Variants in ADRA1B observed in about 807,000 individuals in gnomAD.
ADRA1B encodes adrenoceptor alpha 1B.
ADRA1B carries 17 observed loss-of-function variants against 17.9 expected under a neutral mutation model. That is an observed-to-expected ratio of 0.95 (90% CI 0.65 to 1.42). The LOEUF is 1.42. ADRA1B is among the 40% of genes most tolerant of loss of function. ADRA1B has a pLI of 0.00. For synonymous variants in ADRA1B, 366 were observed against 327.6 expected, an observed-to-expected ratio of 1.12 and a Z score of -1.27; for missense variants, 681 against 722.1, an observed-to-expected ratio of 0.94 and a Z score of 0.65.
chr5:159,906,474 A>T lies in ADRA1B; in HGVS notation c.-255-9645A>T, dbSNP rs141184328. Among the ~76,000 whole-genome samples, 8 of 152,340 alleles carry T rather than the reference A, an allele frequency of 5.3e-5. 1 individual carries two copies. In the East Asian group the frequency reaches 1.5e-3, roughly 29 times the overall value. On this transcript the variant is annotated intron_variant, in intron 1 of 2. Transcript: ENST00000641205. ...AAATGTAGTCTTCTGCAATCAAATC[A>T]TTGGGTTACTTACAAAAATATAAAT...
chr5:159,959,539 G>A (rs184968201), intron 1 of ADRA1B, among the ~76,000 whole-genome samples: 355 of 152,304 alleles, frequency 2.3e-3, no homozygotes, highest in African/African-American at 8.4e-3. Context: ...AATCTGTAGA[G>A]AGAAGAGCAG....
chr5:159,940,077 T>C (rs1755083522), intron 1 of ADRA1B, among the ~76,000 whole-genome samples: 1 of 152,202 alleles, frequency 6.6e-6, no homozygotes, highest in African/African-American at 2.4e-5. Flanking sequence ...ATCAGAGCTG[T>C]GAAGAGGAAC....
At chr5:159,885,209 T>A (rs529198981) in intron 1 of ADRA1B, among the ~76,000 whole-genome samples, 6 of 152,174 alleles carry the variant, frequency 3.9e-5, no homozygotes, top group Non-Finnish European at 7.3e-5. Context: ...ATAACAGTAA[T>A]AATAAAAATA....
intron 1 of ADRA1B, among the ~76,000 whole-genome samples, chr5:159,889,249 C>T (rs1369707304): frequency 1.3e-5 from 2 of 152,118 alleles, no homozygotes; most frequent in African/African-American, 4.8e-5. Flanking sequence ...GAAGTAGCCG[C>T]CACACTGTAT....
At chr5:159,881,159 C>T (rs957457255) in intron 1 of ADRA1B, among the ~76,000 whole-genome samples, 1 of 119,720 alleles carries the variant, frequency 8.4e-6, no homozygotes, top group Non-Finnish European at 1.6e-5. Context: ...CCGGCCTGGG[C>T]GACAGAGCGA....
intron 1 of ADRA1B, among the ~76,000 whole-genome samples, chr5:159,956,670 G>A (rs180886779): frequency 3.9e-5 from 6 of 152,044 alleles, no homozygotes; most frequent in Admixed American, 6.5e-5. Context: ...GAATACTTAC[G>A]TAGGCTAAAT....
chr5:159,875,926 C>T (rs570573144), intron 1 of ADRA1B, among the ~76,000 whole-genome samples: 17 of 152,290 alleles, frequency 1.1e-4, no homozygotes, highest in African/African-American at 2.6e-4. Flanking sequence ...TGGTGGCTCA[C>T]GCCCGTAATC....
chr5:159,876,392 G>A (rs1753802778), intron 1 of ADRA1B, among the ~76,000 whole-genome samples: 1 of 152,178 alleles, frequency 6.6e-6, no homozygotes, highest in Non-Finnish European at 1.5e-5. Flanking sequence ...GAGAGAGAAT[G>A]GGATTTCTCC....
intron 1 of ADRA1B, among the ~76,000 whole-genome samples, chr5:159,939,933 C>T (rs1015808319): frequency 2.6e-5 from 4 of 152,168 alleles, no homozygotes; most frequent in Admixed American, 6.5e-5. Flanking sequence ...CTCTCTTGTG[C>T]GATCTCTGTC....
At chr5:159,894,870 G>A (rs1472020707) in intron 1 of ADRA1B, among the ~76,000 whole-genome samples, 1 of 152,140 alleles carries the variant, frequency 6.6e-6, no homozygotes, top group African/African-American at 2.4e-5. Flanking sequence ...CTCATTCCAA[G>A]CCAGCATTCC....
intron 1 of ADRA1B, among the ~76,000 whole-genome samples, chr5:159,903,275 C>T (rs1434999618): frequency 6.6e-6 from 1 of 152,182 alleles, no homozygotes; most frequent in African/African-American, 2.4e-5. Flanking sequence ...GCAGCTGGGA[C>T]CTGGCCCTGT....
At chr5:159,975,069 G>A (rs111560470), downstream of ADRA1B, among the ~76,000 whole-genome samples, 173 of 152,266 alleles carry the variant, frequency 1.1e-3, 1 homozygote, top group African/African-American at 3.9e-3. Context: ...GGGGGCCCTA[G>A]GAAAAGAAAA....
At chr5:159,923,105 C>G (rs1231678108) in intron 1 of ADRA1B, among the ~76,000 whole-genome samples, 2 of 152,188 alleles carry the variant, frequency 1.3e-5, no homozygotes, top group Non-Finnish European at 2.9e-5. Flanking sequence ...GTCCTGAGGC[C>G]AGAGAGAGTG....
intron 1 of ADRA1B, among the ~76,000 whole-genome samples, chr5:159,872,455 T>A (rs1235589619): frequency 2.0e-5 from 3 of 152,182 alleles, no homozygotes; most frequent in African/African-American, 7.2e-5. Flanking sequence ...GGAAAGACAC[T>A]ATGGGAAGAC....
At chr5:159,984,882 G>A in the ADRA1B span, among the ~76,000 whole-genome samples, 515 of 149,570 alleles carry the variant, frequency 3.4e-3, 5 homozygotes, top group African/African-American at 0.012. Context: ...TCCAGCCTAG[G>A]CAAAAGAGCA....
intron 1 of ADRA1B, among the ~76,000 whole-genome samples, chr5:159,909,935 T>A (rs1471675097): frequency 2.0e-5 from 3 of 152,156 alleles, no homozygotes; most frequent in African/African-American, 7.2e-5. Context: ...CACAGCTGCA[T>A]CCACAGCTTG....
the ADRA1B span, among the ~76,000 whole-genome samples, chr5:159,987,627 G>A: frequency 3.9e-5 from 6 of 152,210 alleles, no homozygotes; most frequent in African/African-American, 1.4e-4. Flanking sequence ...GCGGCCCTGC[G>A]GCACTTCCCT....
At chr5:159,925,666 G>GT (rs1203310773) in intron 1 of ADRA1B, among the ~76,000 whole-genome samples, 3 of 152,178 alleles carry the variant, frequency 2.0e-5, no homozygotes, top group African/African-American at 7.2e-5. Context: ...ACTGTGGCTA[G>GT]TGGTGACCTA....
chr5:159,871,077 AG>A (rs1393999616), intron 1 of ADRA1B: 2 of 152,234 alleles, frequency 1.3e-5, no homozygotes, highest in Non-Finnish European at 2.9e-5. Context: ...CCTGCAGGGC[AG>A]CACTCACCAT....
Sources: gnomAD v4.1 joint callset for allele counts (sites outside exome capture counted in the v4.1 genomes callset) on GRCh38, gnomAD v4.1.1 for gene constraint, MANE v1.5 for transcripts, NCBI Gene and HGNC (gene_info 2026-07-23, HGNC 2026-07-21) for gene names.